PLXDC2: variants seen among roughly 807,000 people sequenced by gnomAD.
PLXDC2 encodes the protein plexin domain containing 2.
PLXDC2 carries 40 observed loss-of-function variants against 68.9 expected under a neutral mutation model. The ratio of observed to expected loss-of-function variants is 0.58; its 90% confidence interval spans 0.45 to 0.76. The LOEUF is 0.76. Among genes scored for constraint, PLXDC2 ranks in the 30% least tolerant of loss-of-function variants. PLXDC2 has a pLI of 0.00. For synonymous variants in PLXDC2, 243 were observed against 234.2 expected (o/e 1.04, Z -0.34); for missense variants, 644 against 661.9 (o/e 0.97, Z 0.30).
intron 1 of PLXDC2, among the ~76,000 whole-genome samples, chr10:19,993,361 T>A (rs867031037): frequency 6.6e-6 from 1 of 152,320 alleles, no homozygotes; most frequent in South Asian, 2.1e-4. Context: ...TATTTAATAG[T>A]AAAATTATAA....
chr10:19,945,864 T>C (rs769533888), intron 1 of PLXDC2, among the ~76,000 whole-genome samples: 1 of 152,188 alleles, frequency 6.6e-6, no homozygotes, highest in Non-Finnish European at 1.5e-5. Context: ...AGGATTTATA[T>C]TATGCTGTTC....
chr10:19,885,953 C>T (rs1477819604), intron 1 of PLXDC2, among the ~76,000 whole-genome samples: 1 of 152,016 alleles, frequency 6.6e-6, no homozygotes, highest in Non-Finnish European at 1.5e-5. Context: ...GCAGTATGGC[C>T]ATTTTCATGA....
chr10:20,147,860 A>G lies in PLXDC2; in HGVS notation c.741A>G (p.Ala247=), dbSNP rs144809582. ...NYNLGSFTFQ[A]TLLMDGRIIF... ...ACCTGGGAAGCTTCACATTCCAGGC[A>G]ACCCTGCTCATGGATGGACGAATCA... Residue 247 remains alanine, a synonymous_variant, in exon 6 of 14, where the codon GCA becomes GCG. Coordinates refer to ENST00000377252, the MANE Select transcript of PLXDC2 (RefSeq NM_032812.9). The G allele has an allele frequency of 2.9e-5, 47 of 1,612,698 alleles. No homozygotes were observed. Among genetic ancestry groups the G allele is most frequent in the Non-Finnish European group, 4.0e-5 (47 of 1,178,826 alleles).
chr10:20,045,019 C>T (rs1322103037), intron 2 of PLXDC2, among the ~76,000 whole-genome samples: 1 of 152,106 alleles, frequency 6.6e-6, no homozygotes, highest in Non-Finnish European at 1.5e-5. Flanking sequence ...GGGCTGGAAA[C>T]CCATTGAAGT....
At chr10:19,883,454 C>A in intron 1 of PLXDC2, among the ~76,000 whole-genome samples, 1 of 152,078 alleles carries the variant, frequency 6.6e-6, no homozygotes, top group East Asian at 1.9e-4. Flanking sequence ...GCATGAAATT[C>A]AAAACTGAAA....
intron 13 of PLXDC2, among the ~76,000 whole-genome samples, chr10:20,253,806 C>T (rs1358488939): frequency 2.0e-5 from 3 of 152,054 alleles, no homozygotes; most frequent in Non-Finnish European, 2.9e-5. Flanking sequence ...AAAATGATTC[C>T]ACACAATCTT....
intron 2 of PLXDC2, among the ~76,000 whole-genome samples, chr10:20,031,898 C>T (rs969673809): frequency 1.3e-5 from 2 of 151,856 alleles, no homozygotes; most frequent in African/African-American, 4.8e-5. Flanking sequence ...TAATCTCGGC[C>T]CACTGCAACC....
At chr10:20,252,078 A>G (rs1310905186) in intron 13 of PLXDC2, among the ~76,000 whole-genome samples, 6 of 152,242 alleles carry the variant, frequency 3.9e-5, no homozygotes, top group African/African-American at 1.4e-4. Flanking sequence ...CAAAAATTAT[A>G]GGAACAATGG....
intron 1 of PLXDC2, among the ~76,000 whole-genome samples, chr10:19,894,806 G>A (rs1182348753): frequency 2.0e-5 from 3 of 152,148 alleles, no homozygotes; most frequent in Admixed American, 2.0e-4. Flanking sequence ...TGGAGAAATA[G>A]GAACGCTTTT....
In PLXDC2 at chr10:20,012,336, G is replaced by GTTTTTTTTTT. The variant is rs1564656425; in HGVS notation, c.324+10350_324+10351insTTTTTTTTTT. Among the ~76,000 whole-genome samples the GTTTTTTTTTT allele has an allele frequency of 3.0e-4, 10 of 33,158 alleles. 4 individuals carry two copies. The highest frequency in any genetic ancestry group is 4.8e-4 in the African/African-American group (5 of 10,328). 21.8% of individuals were successfully genotyped at this position (33,158 alleles called of 152,430 possible). ...TTTTTTTTTTTTTTTTTTTTTTTTG[G>GTTTTTTTTTT]AGAAGGAGACTTGCTGTGTTTCCCA... On this transcript the variant is annotated intron_variant, in intron 2 of 13. Transcript: ENST00000377252.
At chr10:20,137,807 G>A (rs1445968801) in intron 4 of PLXDC2, among the ~76,000 whole-genome samples, 1 of 152,338 alleles carries the variant, frequency 6.6e-6, no homozygotes, top group African/African-American at 2.4e-5. Context: ...CCATGTCTGT[G>A]TAGGCTTTTT....
intron 9 of PLXDC2, among the ~76,000 whole-genome samples, chr10:20,195,995 T>A (rs1834832516): frequency 1.3e-5 from 2 of 152,220 alleles, no homozygotes; most frequent in African/African-American, 4.8e-5. Flanking sequence ...CCTTTATGCA[T>A]GTAAAGGTGC....
chr10:20,236,053 T>A (rs1835428086), intron 12 of PLXDC2, among the ~76,000 whole-genome samples: 2 of 152,178 alleles, frequency 1.3e-5, no homozygotes, highest in Non-Finnish European at 2.9e-5. Flanking sequence ...ACCTCTTTGG[T>A]TTCATATTTA....
At chr10:20,020,432 C>T (rs1257440116) in intron 2 of PLXDC2, among the ~76,000 whole-genome samples, 1 of 151,938 alleles carries the variant, frequency 6.6e-6, no homozygotes, top group East Asian at 1.9e-4. Context: ...ATCTCCTAGA[C>T]AAAAGAAGCC....
intron 1 of PLXDC2, among the ~76,000 whole-genome samples, chr10:19,823,670 CA>C (rs745633152): frequency 0.021 from 2,947 of 138,718 alleles, 58 homozygotes; most frequent in African/African-American, 0.057. Context: ...GACTTCATCT[CA>C]AAAAAAAAAA....
intron 4 of PLXDC2, among the ~76,000 whole-genome samples, chr10:20,100,259 T>C (rs546151582): frequency 1.3e-5 from 2 of 152,312 alleles, no homozygotes; most frequent in African/African-American, 4.8e-5. Context: ...ATAGCAAGAA[T>C]TGAGTCCTGT....
chr10:20,165,355 G>C (rs1330918949), intron 7 of PLXDC2, among the ~76,000 whole-genome samples: 1 of 151,852 alleles, frequency 6.6e-6, no homozygotes, highest in Non-Finnish European at 1.5e-5. Context: ...TATACATGGT[G>C]CCACGCTGGT....
At chr10:20,139,387 G>A (rs2131785861) in intron 4 of PLXDC2, among the ~76,000 whole-genome samples, 1 of 152,346 alleles carries the variant, frequency 6.6e-6, no homozygotes, top group East Asian at 1.9e-4. Context: ...CCACTTTTCT[G>A]CAAAGGCAGA....
At chr10:20,083,987 A>G (rs1258679399) in intron 4 of PLXDC2, among the ~76,000 whole-genome samples, 1 of 152,246 alleles carries the variant, frequency 6.6e-6, no homozygotes, top group Non-Finnish European at 1.5e-5. Context: ...ACATATTTTT[A>G]TGTTATTGGC....
Sources: allele counts gnomAD v4.1 joint callset (sites outside exome capture counted in the v4.1 genomes callset), GRCh38; gene constraint gnomAD v4.1.1; transcripts MANE v1.5; gene names NCBI Gene and HGNC (gene_info 2026-07-23, HGNC 2026-07-21).